The following MAST2 variants were observed in gnomAD, a reference collection of about 807,000 sequenced individuals.
MAST2 encodes microtubule-associated serine/threonine-protein kinase 2.
MAST2 carries 70 observed loss-of-function variants against 147.4 expected under a neutral mutation model. The observed-to-expected ratio is 0.47, with a 90% confidence interval of 0.39 to 0.58. The LOEUF (loss-of-function observed/expected upper bound fraction) is 0.58, where lower values mean the gene tolerates loss of function less well. MAST2 is among the 20% of genes least tolerant of loss of function. The pLI, the probability that MAST2 is intolerant of heterozygous loss-of-function variation, is 0.00. For synonymous variants in MAST2, 869 were observed against 896.8 expected (o/e 0.97, Z 0.55); for missense variants, 2,080 against 2,302.3 (o/e 0.90, Z 1.98).
chr1:45,942,620 A>T (rs536543267), intron 4 of MAST2, among the ~76,000 whole-genome samples: 3 of 152,324 alleles, frequency 2.0e-5, no homozygotes, highest in African/African-American at 7.2e-5. Context: ...AAGGATGATT[A>T]ATTGTGAAGT....
At chr1:46,032,821 C>T (rs975413596) in intron 26 of MAST2, 103 bp downstream of exon 26, 16 of 1,459,130 alleles carry the variant, frequency 1.1e-5, no homozygotes, top group South Asian at 2.6e-5. Context: ...CACACATCTA[C>T]ACCGAGTATG....
At chr1:45,915,650 C>T (rs10890369) in intron 4 of MAST2, among the ~76,000 whole-genome samples, 66,484 of 149,500 alleles carry the variant, frequency 0.44, 14,951 homozygotes, top group East Asian at 0.63. Flanking sequence ...GCGGAACTTG[C>T]AGTGAGCCGA....
chr1:46,002,761 G>T (rs1428121745), intron 6 of MAST2, 44 bp from the exon 7 acceptor site: 2 of 1,567,422 alleles, frequency 1.3e-6, no homozygotes, highest in South Asian at 1.1e-5. Flanking sequence ...GTGGGTCAGG[G>T]TGTAGTCCTG....
rs200570859 is a variant in MAST2, at chr1:46,025,727, A to T, written c.1831A>T (p.Met611Leu). 6.2e-7 allele frequency: 1 copy of T among 1,614,068 alleles called. No individual in the cohort carries two copies. Among genetic ancestry groups the T allele is most frequent in the African/African-American group, 1.3e-5 (1 of 74,934 alleles). ...GAATATTGGGGCCCTGCCTGTGGAC[A>T]TGGTGCGTCTATACTTTGCGGAAAC... ...LKNIGALPVD[M>L]VRLYFAETVL... The change falls in exon 16 of 29, where the codon ATG (methionine) becomes TTG (leucine). Residue 611 changes from methionine (M) to leucine (L), a missense_variant. Met to Leu is a conservative substitution (Grantham distance 15, BLOSUM62 2). Coordinates refer to ENST00000361297, the MANE Select transcript of MAST2 (RefSeq NM_015112.3).
chr1:45,848,083 A>G (rs1443286008), intron 3 of MAST2, among the ~76,000 whole-genome samples: 2 of 152,200 alleles, frequency 1.3e-5, no homozygotes, highest in Non-Finnish European at 1.5e-5. Flanking sequence ...TTTTTGCAAT[A>G]TGTCTTATCT....
chr1:45,986,441 C>T lies in MAST2; in HGVS notation c.593-11283C>T, dbSNP rs191125545. On this transcript the variant is annotated intron_variant, in intron 5 of 28. Coordinates refer to ENST00000361297, the MANE Select transcript of MAST2 (RefSeq NM_015112.3). ...TTAGAGAATATTCGTTTATGCCGGG[C>T]ACGGTGGCTCATGCCTGTAATCCCA... is the stretch of plus-strand genomic sequence containing the variant. Among the ~76,000 whole-genome samples, 526 of 152,202 alleles carry T rather than the reference C, an allele frequency of 3.5e-3. 2 individuals are homozygous for T. Among genetic ancestry groups the T allele is most frequent in the African/African-American group, 0.011 (477 of 41,528 alleles).
At chr1:45,873,145 C>T (rs111621513) in intron 3 of MAST2, among the ~76,000 whole-genome samples, 8 of 150,530 alleles carry the variant, frequency 5.3e-5, no homozygotes, top group African/African-American at 1.9e-4. Context: ...TTTAGAGCTT[C>T]GCTACTGGTG....
At chr1:46,020,790 G>A (rs1646151681) in intron 11 of MAST2, among the ~76,000 whole-genome samples, 1 of 152,164 alleles carries the variant, frequency 6.6e-6, no homozygotes, top group Non-Finnish European at 1.5e-5. Flanking sequence ...ATGTTTCTGT[G>A]TGGTTTCTGT....
chr1:45,968,578 C>T (rs1643735865), intron 5 of MAST2, among the ~76,000 whole-genome samples: 1 of 151,714 alleles, frequency 6.6e-6, no homozygotes, highest in Non-Finnish European at 1.5e-5. Flanking sequence ...CTTGTCTTCG[C>T]TCCTCTGAAG....
intron 3 of MAST2, among the ~76,000 whole-genome samples, chr1:45,876,234 G>C (rs1646601658): frequency 6.6e-6 from 1 of 152,212 alleles, no homozygotes; most frequent in Admixed American, 6.5e-5. Context: ...TATTTATAGA[G>C]TGTTGAAGAA....
At position 45,967,177 on chromosome 1, in the gene MAST2, G is replaced by A. The variant is rs567829614; in HGVS notation, c.592+7700G>A. 5.9e-5 allele frequency among the ~76,000 whole-genome samples: 9 copies of A among 151,816 alleles called. No homozygotes were observed. The South Asian group carries it at 8.3e-4, about 14-fold the overall frequency. On this transcript the variant is annotated intron_variant, in intron 5 of 28. Transcript: ENST00000361297. ...CAACCTCCACCTCCCAGGTTCAAGC[G>A]ATTCTCCTGCCTCATCCTCCCGAGT...
chr1:45,845,292 T>C (rs1645396086), intron 3 of MAST2, among the ~76,000 whole-genome samples: 1 of 152,198 alleles, frequency 6.6e-6, no homozygotes, highest in South Asian at 2.1e-4. Context: ...TTTTTACTCT[T>C]ATACAAAAAA....
chr1:46,019,748 G>T, intron 11 of MAST2, 51 bp downstream of exon 11: 1 of 1,495,636 alleles, frequency 6.7e-7, no homozygotes, highest in Non-Finnish European at 9.3e-7. Context: ...GAGGACTATA[G>T]AGGAAGTATC....
chr1:45,967,080 G>C (rs563889329), intron 5 of MAST2, among the ~76,000 whole-genome samples: 21 of 151,354 alleles, frequency 1.4e-4, no homozygotes, highest in African/African-American at 4.8e-4. Context: ...GCCCAGGCAG[G>C]CTTTTTTTTT....
chr1:45,886,606 G>A (rs1647102328), intron 4 of MAST2, among the ~76,000 whole-genome samples: 1 of 152,046 alleles, frequency 6.6e-6, no homozygotes, highest in African/African-American at 2.4e-5. Context: ...TAGAATATCA[G>A]ACCTAAGGGA....
chr1:45,949,786 C>A (rs1658659196), intron 4 of MAST2, among the ~76,000 whole-genome samples: 2 of 152,172 alleles, frequency 1.3e-5, no homozygotes, highest in South Asian at 4.1e-4. Flanking sequence ...CATTATAGCA[C>A]TATTCACATT....
At chr1:45,991,426 G>T (rs1447607842) in intron 5 of MAST2, among the ~76,000 whole-genome samples, 1 of 152,096 alleles carries the variant, frequency 6.6e-6, no homozygotes, top group Non-Finnish European at 1.5e-5. Context: ...AAACTAACTT[G>T]CTTGGATTTT....
intron 4 of MAST2, among the ~76,000 whole-genome samples, chr1:45,901,513 A>C: frequency 6.6e-6 from 1 of 152,104 alleles, no homozygotes; most frequent in East Asian, 1.9e-4. Context: ...TGAATTTTGG[A>C]ATGGTTTTTT....
At chr1:45,890,644 G>A (rs1397297375) in intron 4 of MAST2, among the ~76,000 whole-genome samples, 1 of 152,158 alleles carries the variant, frequency 6.6e-6, no homozygotes, top group Admixed American at 6.5e-5. Context: ...TAGTCAGATT[G>A]GGGGTAAAAG....
Sources: allele counts gnomAD v4.1 joint callset (sites outside exome capture counted in the v4.1 genomes callset), GRCh38; gene constraint gnomAD v4.1.1; transcripts MANE v1.5; gene names NCBI Gene and HGNC (gene_info 2026-07-23, HGNC 2026-07-21).